The following CPNE5 variants were observed in gnomAD, a reference collection of about 807,000 sequenced individuals.
The protein encoded by CPNE5 is copine-5.
CPNE5 carries 42 observed loss-of-function variants against 81.1 expected under a neutral mutation model. The observed-to-expected ratio is 0.52, with a 90% CI of 0.40 to 0.67. The LOEUF (loss-of-function observed/expected upper bound fraction) is 0.67. Among genes scored for constraint, CPNE5 ranks in the 30% least tolerant of loss-of-function variants. The pLI is 0.00. For synonymous variants in CPNE5, 313 were observed against 321.5 expected (o/e 0.97, Z 0.28); for missense variants, 612 against 815.5 (o/e 0.75, Z 3.04).
At chr6:36,826,487 C>T (rs1302330810) in intron 1 of CPNE5, among the ~76,000 whole-genome samples, 1 of 152,226 alleles carries the variant, frequency 6.6e-6, no homozygotes, top group Non-Finnish European at 1.5e-5. Flanking sequence ...TACTTCCTCT[C>T]CTCTCCCCTG....
At chr6:36,831,510 C>T (rs1266923526) in intron 1 of CPNE5, among the ~76,000 whole-genome samples, 1 of 151,996 alleles carries the variant, frequency 6.6e-6, no homozygotes, top group East Asian at 1.9e-4. Context: ...CCCGCCACCA[C>T]ACCTGGCTAA....
At chr6:36,828,231 G>A (rs773720049) in intron 1 of CPNE5, among the ~76,000 whole-genome samples, 5 of 143,962 alleles carry the variant, frequency 3.5e-5, no homozygotes, top group Non-Finnish European at 6.0e-5. Context: ...AAGGAGGGAG[G>A]ATCACTTGAG....
At chr6:36,806,848 G>A (rs1187471487) in intron 3 of CPNE5, among the ~76,000 whole-genome samples, 1 of 152,208 alleles carries the variant, frequency 6.6e-6, no homozygotes, top group African/African-American at 2.4e-5. Flanking sequence ...CCTTTGGGAC[G>A]TGGGATCTCA....
At chr6:36,803,652 A>G (rs779416905) in intron 3 of CPNE5, among the ~76,000 whole-genome samples, 7 of 152,102 alleles carry the variant, frequency 4.6e-5, no homozygotes, top group Non-Finnish European at 7.4e-5. Flanking sequence ...CTGATCACCT[A>G]TATGTGTGTG....
intron 10 of CPNE5, among the ~76,000 whole-genome samples, chr6:36,765,693 G>A (rs1437713021): frequency 6.6e-6 from 1 of 152,228 alleles, no homozygotes; most frequent in Non-Finnish European, 1.5e-5. Flanking sequence ...GCTCAGCATG[G>A]AGCTGCACTG....
intron 12 of CPNE5, among the ~76,000 whole-genome samples, chr6:36,758,304 G>A (rs1765684707): frequency 6.6e-6 from 1 of 150,630 alleles, no homozygotes; most frequent in Admixed American, 6.7e-5. Flanking sequence ...TCTAAGACGG[G>A]GTCTTGCTCT....
chr6:36,774,617 C>T (rs1022660790), intron 10 of CPNE5, among the ~76,000 whole-genome samples: 4 of 152,244 alleles, frequency 2.6e-5, no homozygotes, highest in African/African-American at 9.6e-5. Context: ...GCACCCGGGA[C>T]ACCCATCTGG....
At chr6:36,779,730 C>T (rs1042507302) in intron 8 of CPNE5, among the ~76,000 whole-genome samples, 8 of 152,224 alleles carry the variant, frequency 5.3e-5, no homozygotes, top group Non-Finnish European at 7.3e-5. Flanking sequence ...AGAGGTGTCC[C>T]GGCCCTGGTG....
At chr6:36,812,842 G>A (rs1363804681) in intron 3 of CPNE5, among the ~76,000 whole-genome samples, 1 of 152,226 alleles carries the variant, frequency 6.6e-6, no homozygotes, top group Non-Finnish European at 1.5e-5. Context: ...GCAAAAAGGA[G>A]AGAGTCCAGA....
At chr6:36,783,573 C>T (rs1011713448) in intron 8 of CPNE5, among the ~76,000 whole-genome samples, 6 of 152,076 alleles carry the variant, frequency 3.9e-5, no homozygotes, top group African/African-American at 1.4e-4. Flanking sequence ...GTGCGATCTC[C>T]GCTCACTACA....
In CPNE5 at chr6:36,766,916, C is replaced by T. The variant is rs1009071439; in HGVS notation, c.738-1540G>A. Among the ~76,000 whole-genome samples, 2 of 152,138 alleles carry T rather than the reference C, an allele frequency of 1.3e-5. No homozygotes were observed. Among genetic ancestry groups the T allele is most frequent in the Non-Finnish European group, 2.9e-5 (2 of 68,020 alleles). ...TGTTGCCCAGGCTGGAGTGCAATGG[C>T]GTGATCTCGGCTCATTGCAACCTCC... On this transcript the variant is annotated intron_variant, in intron 10 of 20. Transcript: ENST00000244751. This position sits in a 1 kb window ranked among gnomAD's most constrained non-coding sequence, Gnocchi z 4.2.
At chr6:36,821,378 C>A (rs565698198) in intron 3 of CPNE5, among the ~76,000 whole-genome samples, 188 of 152,144 alleles carry the variant, frequency 1.2e-3, no homozygotes, top group African/African-American at 4.4e-3. Flanking sequence ...GGGCTCTGAG[C>A]AGAAAAGAGA....
At chr6:36,757,809 T>C (rs1765628442) in intron 12 of CPNE5, among the ~76,000 whole-genome samples, 1 of 152,168 alleles carries the variant, frequency 6.6e-6, no homozygotes, top group African/African-American at 2.4e-5. Context: ...AGGAAGGCTC[T>C]GGGCACGGAG....
At chr6:36,827,330 T>G (rs1294142085) in intron 1 of CPNE5, 2 of 985,196 alleles carry the variant, frequency 2.0e-6, no homozygotes, top group Non-Finnish European at 2.4e-6. Flanking sequence ...CCTCCTACCT[T>G]GGCTTTGGAC....
At chr6:36,783,462 C>G (rs1301759694) in intron 8 of CPNE5, among the ~76,000 whole-genome samples, 1 of 150,372 alleles carries the variant, frequency 6.7e-6, no homozygotes, top group Non-Finnish European at 1.5e-5. Context: ...TTCATTGAAT[C>G]CTTTCGACAA....
Position 36,839,194 on chromosome 6 carries a change from C to G in CPNE5, c.95+89G>C, listed in dbSNP as rs578171696. On this transcript the variant is annotated intron_variant, in intron 1 of 20. Coordinates refer to ENST00000244751, the MANE Select transcript of CPNE5 (RefSeq NM_020939.2). This position sits in a 1 kb window ranked among gnomAD's most constrained non-coding sequence, Gnocchi z 7.3. ...AGACCAGGACACTCTGGGAAGGGGG[C>G]GCGCGGAGGTTTAGGATCGAAGCGG... 22 of 924,904 alleles carry G rather than the reference C, an allele frequency of 2.4e-5. No homozygotes were observed. In the African/African-American group the frequency reaches 3.1e-4, roughly 13 times the overall value. The allele number at this position is 924,904 out of a possible 1,614,324, so 57.3% of individuals were successfully genotyped here. A position where few individuals can be genotyped will look rare whatever the true frequency, so the allele number is the denominator to read the frequency against.
rs1763606102 is a variant in CPNE5 at position 36,741,818 on chromosome 6, G to A, written c.*450C>T. 6.2e-6 allele frequency: 1 copy of A among 161,322 alleles called. No individual in the cohort carries two copies. The highest frequency in any genetic ancestry group is 1.3e-5 in the Non-Finnish European group (1 of 74,510). 10.0% of individuals were successfully genotyped at this position (161,322 alleles called of 1,614,324 possible). ...GCTTCATGGGGTTCACTGGAAATCG[G>A]GCACAGGATAGACCACAGGGCGGGG... On this transcript the variant is annotated 3_prime_UTR_variant, in exon 21 of 21. Transcript: ENST00000244751.
At chr6:36,813,960 G>T (rs1035466970) in intron 3 of CPNE5, among the ~76,000 whole-genome samples, 13 of 152,244 alleles carry the variant, frequency 8.5e-5, no homozygotes, top group African/African-American at 2.2e-4. Context: ...TACCCACAAA[G>T]GTCTCTTAGC....
At chr6:36,760,912 C>G (rs954567188) in intron 12 of CPNE5, among the ~76,000 whole-genome samples, 2 of 152,212 alleles carry the variant, frequency 1.3e-5, no homozygotes, top group Non-Finnish European at 2.9e-5. Context: ...CCAGCCTCCC[C>G]CTGGGACTGC....
Sources: gnomAD v4.1 joint callset for allele counts (sites outside exome capture counted in the v4.1 genomes callset) on GRCh38, gnomAD v4.1.1 for gene constraint, Gnocchi (gnomAD v3.1) non-coding constraint, MANE v1.5 for transcripts, NCBI Gene and HGNC (gene_info 2026-07-23, HGNC 2026-07-21) for gene names.